BSN: variants seen among roughly 807,000 people sequenced by gnomAD.
BSN encodes protein bassoon.
A neutral mutation model predicts 264.8 loss-of-function variants in BSN; 57 were observed. The ratio of observed to expected loss-of-function variants is 0.22; its 90% CI spans 0.17 to 0.27. The LOEUF (loss-of-function observed/expected upper bound fraction) is 0.27, where lower values mean the gene tolerates loss of function less well. Ranked by LOEUF, BSN falls within the 10% of genes least tolerant of loss-of-function variation. The pLI is 1.00. For synonymous variants in BSN, 2,059 were observed against 2,137.3 expected, an observed-to-expected ratio of 0.96 and a Z score of 1.01; for missense variants, 4,615 against 5,232.5, an observed-to-expected ratio of 0.88 and a Z score of 3.64.
Position 49,582,392 on chromosome 3 carries a change from C to A in BSN, c.224+27566C>A, listed in dbSNP as rs76598583. 8.5e-3 allele frequency among the ~76,000 whole-genome samples: 1,297 copies of A among 152,250 alleles called. 10 individuals are homozygous for A. The highest frequency in any genetic ancestry group is 0.014 in the Non-Finnish European group (927 of 68,018). On this transcript the variant is annotated intron_variant, in intron 1 of 11. Transcript: ENST00000296452. ...ATTTGCAGTCATAACACACTACAGGCTCAAATTTCTGGGCTCAAGCAACCC... is the reference window on the plus strand; with the variant it reads ...ATTTGCAGTCATAACACACTACAGGATCAAATTTCTGGGCTCAAGCAACCC...
chr3:49,571,881 AC>A (rs2051799163), intron 1 of BSN, among the ~76,000 whole-genome samples: 1 of 152,116 alleles, frequency 6.6e-6, no homozygotes, highest in Admixed American at 6.5e-5. Context: ...AACTCCCCAT[AC>A]CCCAATAAAT....
chr3:49,663,337 C>G lies in BSN; in HGVS notation c.11179C>G (p.Gln3727Glu). The change falls in exon 7 of 12, where the codon CAA becomes GAA. Residue 3727 changes from glutamine to glutamate, a missense_variant. Around this residue, in one of 3 missense-constraint regions of BSN, gnomAD observed 3,415 missense variants for 3,866.4 expected, o/e 0.88. Coordinates refer to ENST00000296452, the MANE Select transcript of BSN (RefSeq NM_003458.4). ...HASDSKKGSR[Q>E]AHSGPAALQS... ...CTCTGACAGCAAGAAGGGCTCCCGG[C>G]AAGCCCACTCCGGGCCCGCTGCACT... is the stretch of plus-strand genomic sequence containing the variant. 2 of 1,613,814 alleles carry G rather than the reference C, an allele frequency of 1.2e-6. No individual in the cohort carries two copies. The highest frequency in any genetic ancestry group is 1.7e-6 in the Non-Finnish European group (2 of 1,180,034).
chr3:49,593,639 T>G (rs2108026312), intron 1 of BSN, among the ~76,000 whole-genome samples: 1 of 152,298 alleles, frequency 6.6e-6, no homozygotes, highest in South Asian at 2.1e-4. Context: ...CCATAATGGC[T>G]AATGATGTTG....
intron 2 of BSN, among the ~76,000 whole-genome samples, chr3:49,641,065 C>T (rs560012489): frequency 1.3e-5 from 2 of 152,056 alleles, no homozygotes; most frequent in Non-Finnish European, 2.9e-5. Context: ...CAGAGTTGTG[C>T]TGAAGAGTTC....
chr3:49,562,898 C>G (rs2051725324), intron 1 of BSN, among the ~76,000 whole-genome samples: 1 of 152,138 alleles, frequency 6.6e-6, no homozygotes, highest in Admixed American at 6.5e-5. Flanking sequence ...ATTGCCTAAA[C>G]TTGGCTATGC....
At chr3:49,573,357 T>C (rs905649154) in intron 1 of BSN, among the ~76,000 whole-genome samples, 5 of 152,156 alleles carry the variant, frequency 3.3e-5, no homozygotes, top group Non-Finnish European at 7.4e-5. Context: ...GCCTTTTCAG[T>C]GGAAGATGGA....
chr3:49,606,226 ACATATAT>A (rs1559603616), intron 1 of BSN, among the ~76,000 whole-genome samples: 32 of 63,094 alleles, frequency 5.1e-4, no homozygotes, highest in African/African-American at 2.2e-3. Flanking sequence ...TATTATATAT[ACATATAT>A]TATATATGTA....
intron 1 of BSN, among the ~76,000 whole-genome samples, chr3:49,606,203 T>TATGTATATATTATATATACA (rs2052142562): frequency 2.1e-5 from 1 of 47,992 alleles, no homozygotes; most frequent in African/African-American, 1.0e-4. Context: ...TATACATATA[T>TATGTATATATTATATATACA]TATATATGTA....
chr3:49,597,767 C>T (rs2052037483), intron 1 of BSN, among the ~76,000 whole-genome samples: 1 of 152,136 alleles, frequency 6.6e-6, no homozygotes, highest in African/African-American at 2.4e-5. Context: ...CTCAGCCTCC[C>T]CAGTAGCTGG....
rs1181061169 is a variant in BSN, at chr3:49,657,951, T to C, written c.8395T>C (p.Ser2799Pro). 6.2e-7 allele frequency: 1 copy of C among 1,612,682 alleles called. No homozygotes were observed. Among genetic ancestry groups the C allele is most frequent in the Non-Finnish European group, 8.5e-7 (1 of 1,179,116 alleles). Residue 2799 changes from serine (S) to proline (P), a missense_variant, in exon 5 of 12, where the codon TCA becomes CCA. By Grantham distance (74) the Ser-to-Pro change is moderately conservative. Around this residue, in one of 3 missense-constraint regions of BSN, gnomAD observed 3,415 missense variants for 3,866.4 expected, o/e 0.88. Coordinates refer to ENST00000296452, the MANE Select transcript of BSN (RefSeq NM_003458.4). Reference sequence around the variant, plus strand: ...CCCTCAGGTCCTCTACTCACCAGTCTCACCCCTGTCCCCTCACCGGCTCCT... The same window carrying C: ...CCCTCAGGTCCTCTACTCACCAGTCCCACCCCTGTCCCCTCACCGGCTCCT... ...KSPQVLYSPVSPLSPHRLLDT... is the reference protein window; with the variant it reads ...KSPQVLYSPVPPLSPHRLLDT...
rs778638081 is a variant in BSN, at chr3:49,652,312, A to G, written c.2756A>G (p.Asp919Gly). The G allele has an allele frequency of 6.3e-7, 1 of 1,597,714 alleles. No homozygotes were observed. The highest frequency in any genetic ancestry group is 8.5e-7 in the Non-Finnish European group (1 of 1,171,326). The change falls in exon 5 of 12, where the codon GAT (aspartate) becomes GGT (glycine). Residue 919 changes from aspartate to glycine, a missense_variant. Around this residue, in one of 3 missense-constraint regions of BSN, gnomAD observed 1,197 missense variants for 1,348.0 expected, o/e 0.89. Coordinates refer to ENST00000296452, the MANE Select transcript of BSN (RefSeq NM_003458.4). ...LPEGGSAEAT[D>G]GSGTLQGGLR... ...GAGGGAGGCTCAGCAGAGGCTACCG[A>G]TGGCAGTGGGACCCTGCAGGGTGGG...
intron 5 of BSN, among the ~76,000 whole-genome samples, chr3:49,658,416 C>T (rs553238755): frequency 6.6e-4 from 100 of 152,286 alleles, no homozygotes; most frequent in Non-Finnish European, 1.3e-3. Context: ...TGGGCCCCCA[C>T]AGCCTTCCAG....
chr3:49,578,011 T>C (rs917116212), intron 1 of BSN, among the ~76,000 whole-genome samples: 2 of 152,222 alleles, frequency 1.3e-5, no homozygotes, highest in South Asian at 4.1e-4. Flanking sequence ...GTGAAAGGCA[T>C]TTAAATCATT....
At position 49,671,258 on chromosome 3, in the gene BSN, A is replaced by G. The variant is rs965744642; in HGVS notation, c.*3773A>G. The G allele has an allele frequency of 6.6e-6, 1 of 152,130 alleles. No individual in the cohort carries two copies. Among genetic ancestry groups the G allele is most frequent in the Admixed American group, 6.6e-5 (1 of 15,252 alleles). The allele number at this position is 152,130 out of a possible 1,614,324, so 9.4% of individuals were successfully genotyped here. ...CCCTGGAGAGTGGTGGCCACTCAAT[A>G]CCTTTTCCTCTAGCTTTCATGTCTT... On this transcript the variant is annotated 3_prime_UTR_variant, in exon 12 of 12. Transcript: ENST00000296452. The surrounding 1 kb of genome is among the most constrained non-coding windows in gnomAD (Gnocchi z 4.1).
In BSN at chr3:49,654,769, C is replaced by T. The variant is rs1476028541; in HGVS notation, c.5213C>T (p.Ser1738Leu). The change falls in exon 5 of 12, where the codon TCG becomes TTG. Residue 1738 changes from serine to leucine, a missense_variant. Ser to Leu is a moderately radical substitution (Grantham distance 145). Coordinates refer to ENST00000296452, the MANE Select transcript of BSN (RefSeq NM_003458.4). This position sits in a 1 kb window ranked among gnomAD's most constrained non-coding sequence, Gnocchi z 4.1. ...ACCACCGTGAGCATCACCATGGCCT[C>T]GTCTGTGTTCATGGCTCAACAAAAG... ...TATTVSITMASSVFMAQQKQP... is the reference protein window; with the variant it reads ...TATTVSITMALSVFMAQQKQP... 3.7e-6 allele frequency: 6 copies of T among 1,613,646 alleles called. 1 individual carries two copies. The South Asian group carries it at 4.4e-5, about 12-fold the overall frequency.
At chr3:49,607,026 G>T (rs2052158574) in intron 1 of BSN, among the ~76,000 whole-genome samples, 1 of 152,102 alleles carries the variant, frequency 6.6e-6, no homozygotes, top group African/African-American at 2.4e-5. Flanking sequence ...CCCTCAGCAG[G>T]GCTGTGCAGA....
At chr3:49,565,239 G>A (rs2051743612) in intron 1 of BSN, among the ~76,000 whole-genome samples, 1 of 145,282 alleles carries the variant, frequency 6.9e-6, no homozygotes, top group Non-Finnish European at 1.5e-5. Flanking sequence ...TCTGCCTCCA[G>A]GGTTCATGCC....
intron 1 of BSN, among the ~76,000 whole-genome samples, chr3:49,595,339 T>C (rs1158695823): frequency 2.0e-5 from 3 of 151,952 alleles, no homozygotes; most frequent in Non-Finnish European, 4.4e-5. Context: ...ATTACAGGCA[T>C]GCACCACCAC....
intron 11 of BSN, among the ~76,000 whole-genome samples, chr3:49,666,821 A>C (rs1257416183): frequency 2.0e-5 from 3 of 152,242 alleles, no homozygotes; most frequent in African/African-American, 7.2e-5. Flanking sequence ...AGGCCAAGTA[A>C]GGAGCCTGGA....
Sources: allele counts gnomAD v4.1 joint callset (sites outside exome capture counted in the v4.1 genomes callset), GRCh38; gene constraint gnomAD v4.1.1; regional missense constraint gnomAD v4.1.1; non-coding constraint Gnocchi (gnomAD v3.1); transcripts MANE v1.5; gene names NCBI Gene and HGNC (gene_info 2026-07-23, HGNC 2026-07-21).